Variants in CNTN5 observed in about 807,000 individuals in gnomAD.
The protein encoded by CNTN5 is contactin-5.
Under a neutral mutation model 129.1 loss-of-function variants are expected in CNTN5, and 77 were observed. The observed-to-expected ratio is 0.60, with a 90% CI of 0.50 to 0.72. The LOEUF (loss-of-function observed/expected upper bound fraction) is 0.72. CNTN5 is among the 30% of genes least tolerant of loss of function. The pLI, the probability that CNTN5 is intolerant of heterozygous loss-of-function variation, is 0.00. For synonymous variants in CNTN5, 509 were observed against 465.6 expected (o/e 1.09, Z -1.20); for missense variants, 1,478 against 1,328.8 (o/e 1.11, Z -1.75).
intron 2 of CNTN5, among the ~76,000 whole-genome samples, chr11:99,495,699 G>A (rs1300292689): frequency 1.3e-5 from 2 of 152,150 alleles, no homozygotes; most frequent in Non-Finnish European, 2.9e-5. Context: ...CTTTAAAAAA[G>A]CCACTTTGAT....
intron 3 of CNTN5, among the ~76,000 whole-genome samples, chr11:99,729,036 G>A (rs1421976155): frequency 6.6e-6 from 1 of 152,132 alleles, no homozygotes; most frequent in African/African-American, 2.4e-5. Context: ...GTCCTCTGGG[G>A]TGCTAAGTAA....
At chr11:99,327,753 G>A (rs1360289066) in intron 2 of CNTN5, among the ~76,000 whole-genome samples, 1 of 152,114 alleles carries the variant, frequency 6.6e-6, no homozygotes, top group Non-Finnish European at 1.5e-5. Context: ...AAAACATTCA[G>A]CGGCAAAACT....
intron 2 of CNTN5, among the ~76,000 whole-genome samples, chr11:99,355,810 GGTTTTTTTTT>G (rs1473243154): frequency 5.6e-5 from 8 of 142,238 alleles, no homozygotes; most frequent in Non-Finnish European, 1.1e-4. Context: ...CATCTGTCAT[GGTTTTTTTTT>G]GTTTTTTTTT....
chr11:100,017,474 G>C (rs145676150), intron 9 of CNTN5, among the ~76,000 whole-genome samples: 1 of 151,964 alleles, frequency 6.6e-6, no homozygotes, highest in Non-Finnish European at 1.5e-5. Context: ...TAAAGTAGTG[G>C]TGTGTCTTAC....
chr11:99,243,229 G>A (rs1209407925), intron 1 of CNTN5, among the ~76,000 whole-genome samples: 1 of 152,108 alleles, frequency 6.6e-6, no homozygotes, highest in Non-Finnish European at 1.5e-5. Context: ...CTGATAATTA[G>A]TGATATGGAA....
At chr11:100,207,836 T>G (rs980862618) in intron 15 of CNTN5, among the ~76,000 whole-genome samples, 2 of 152,198 alleles carry the variant, frequency 1.3e-5, no homozygotes, top group Non-Finnish European at 2.9e-5. Flanking sequence ...AGCTCTACCA[T>G]GTTAAACTGC....
intron 13 of CNTN5, among the ~76,000 whole-genome samples, chr11:100,178,034 G>C (rs956185932): frequency 6.6e-6 from 1 of 152,096 alleles, no homozygotes; most frequent in Non-Finnish European, 1.5e-5. Context: ...AAAGCAGAGA[G>C]TACCATTATT....
intron 1 of CNTN5, among the ~76,000 whole-genome samples, chr11:99,200,047 A>G (rs189488284): frequency 1.1e-4 from 16 of 152,276 alleles, no homozygotes; most frequent in African/African-American, 3.6e-4. Context: ...TTGCTTCCCA[A>G]TACTATACAG....
At chr11:100,355,990 T>C (rs1205917738) in intron 24 of CNTN5, 127 bp from the exon 25 acceptor site, 1 of 644,120 alleles carries the variant, frequency 1.6e-6, no homozygotes, top group Non-Finnish European at 2.8e-6. Context: ...TTTATAAATA[T>C]AAAGAACACT....
chr11:99,657,779 C>T (rs1373155863), intron 3 of CNTN5, among the ~76,000 whole-genome samples: 1 of 151,960 alleles, frequency 6.6e-6, no homozygotes, highest in Non-Finnish European at 1.5e-5. Flanking sequence ...ACATTTGACA[C>T]ATTGAGCAGG....
intron 1 of CNTN5, among the ~76,000 whole-genome samples, chr11:99,082,610 A>C (rs999762640): frequency 2.6e-5 from 4 of 152,162 alleles, no homozygotes; most frequent in African/African-American, 9.7e-5. Flanking sequence ...CCTTTAACTT[A>C]TATTTCCCAA....
At chr11:100,221,527 T>C (rs1358309518) in intron 15 of CNTN5, among the ~76,000 whole-genome samples, 2 of 152,172 alleles carry the variant, frequency 1.3e-5, no homozygotes, top group Non-Finnish European at 1.5e-5. Flanking sequence ...TTTCAGTCAT[T>C]AGTAAATGTC....
At chr11:99,218,401 A>G (rs1860236081) in intron 1 of CNTN5, among the ~76,000 whole-genome samples, 2 of 152,114 alleles carry the variant, frequency 1.3e-5, no homozygotes. Context: ...GCCTTTAAAT[A>G]CTACATGTGT....
chr11:99,728,000 G>A (rs148589847), intron 3 of CNTN5, among the ~76,000 whole-genome samples: 9 of 152,204 alleles, frequency 5.9e-5, no homozygotes, highest in Non-Finnish European at 4.4e-5. Context: ...ATGGTAATTC[G>A]TCTCTGACAA....
Position 99,523,652 on chromosome 11 carries a change from AACAGAACAG to A in CNTN5, c.-70-32491_-70-32483del, listed in dbSNP as rs1947363908. ...AATAGAATAGAATAGAATAGAATAG[AACAGAACAG>A]ATCAGAACAGAACAGAACAGAACAG... On this transcript the variant is annotated intron_variant, in intron 2 of 24. Coordinates refer to ENST00000524871, the MANE Select transcript of CNTN5 (RefSeq NM_014361.4). Among the ~76,000 whole-genome samples the A allele has an allele frequency of 3.5e-3, 293 of 84,174 alleles. 2 individuals are homozygous for A. Among genetic ancestry groups the A allele is most frequent in the African/African-American group, 0.013 (234 of 18,146 alleles). The allele number at this position is 84,174 out of a possible 152,430, so 55.2% of individuals were successfully genotyped here. A position where few individuals can be genotyped will look rare whatever the true frequency, so the allele number is the denominator to read the frequency against.
chr11:99,852,292 G>A (rs1391143009), intron 6 of CNTN5, among the ~76,000 whole-genome samples: 1 of 152,056 alleles, frequency 6.6e-6, no homozygotes, highest in Admixed American at 6.6e-5. Context: ...TGGATTATTG[G>A]ATTAAGTTCA....
chr11:99,948,624 A>G (rs1379396857), intron 7 of CNTN5, among the ~76,000 whole-genome samples: 1 of 152,184 alleles, frequency 6.6e-6, no homozygotes, highest in Non-Finnish European at 1.5e-5. Flanking sequence ...ATAAAGATCG[A>G]TGCTTTGTAA....
intron 2 of CNTN5, among the ~76,000 whole-genome samples, chr11:99,555,377 T>C (rs928105841): frequency 2.6e-5 from 4 of 152,030 alleles, no homozygotes; most frequent in Non-Finnish European, 5.9e-5. Context: ...ACTTCCAATA[T>C]ATATTTGTCA....
chr11:99,665,673 G>GC (rs1461205384), intron 3 of CNTN5, among the ~76,000 whole-genome samples: 2 of 151,620 alleles, frequency 1.3e-5, no homozygotes, highest in Non-Finnish European at 2.9e-5. Flanking sequence ...TTTTAGTAGA[G>GC]CCGGGGTTGC....
Sources: gnomAD v4.1 joint callset for allele counts (sites outside exome capture counted in the v4.1 genomes callset) on GRCh38, gnomAD v4.1.1 for gene constraint, MANE v1.5 for transcripts, NCBI Gene and HGNC (gene_info 2026-07-23, HGNC 2026-07-21) for gene names.